The following CSMD1 variants were observed in gnomAD, a reference collection of about 807,000 sequenced individuals.
CSMD1 encodes CUB and Sushi multiple domains 1, also known as CUB and sushi domain-containing protein 1.
CSMD1 carries 213 observed loss-of-function variants against 417.5 expected under a neutral mutation model. The ratio of observed to expected loss-of-function variants is 0.51; its 90% CI spans 0.46 to 0.57. The LOEUF is 0.57. Ranked by LOEUF, CSMD1 falls within the 20% of genes least tolerant of loss-of-function variation. CSMD1 has a pLI of 0.00. For synonymous variants in CSMD1, 2,862 were observed against 1,736.8 expected (o/e 1.65, Z -16.11); for missense variants, 6,923 against 4,529.7 (o/e 1.53, Z -15.17).
chr8:4,072,488 G>T (rs147415629), intron 3 of CSMD1, among the ~76,000 whole-genome samples: 334 of 152,252 alleles, frequency 2.2e-3, no homozygotes, highest in African/African-American at 7.5e-3. Context: ...GAAGGGAATT[G>T]TGACTATAAT....
At chr8:4,883,919 A>G (rs1293138696) in intron 1 of CSMD1, among the ~76,000 whole-genome samples, 1 of 152,052 alleles carries the variant, frequency 6.6e-6, no homozygotes, top group East Asian at 1.9e-4. Flanking sequence ...ACTGTTTTCC[A>G]AAGAGATTGC....
At chr8:4,173,707 T>A (rs931056253) in intron 3 of CSMD1, among the ~76,000 whole-genome samples, 1 of 152,022 alleles carries the variant, frequency 6.6e-6, no homozygotes, top group African/African-American at 2.4e-5. Flanking sequence ...CTCAAATAAT[T>A]CAGCAATCAA....
At chr8:3,019,308 G>A (rs956576393) in intron 51 of CSMD1, among the ~76,000 whole-genome samples, 3 of 152,064 alleles carry the variant, frequency 2.0e-5, no homozygotes, top group Non-Finnish European at 2.9e-5. Context: ...ATGCAGAAGC[G>A]TGTCAATCAA....
At chr8:3,819,771 T>C (rs377680184) in intron 5 of CSMD1, among the ~76,000 whole-genome samples, 3 of 152,204 alleles carry the variant, frequency 2.0e-5, no homozygotes, top group South Asian at 2.1e-4. Context: ...AAAAATTATA[T>C]AGAGATGTAA....
rs73660805 is a variant in CSMD1, at chr8:4,439,415, A to C, written c.303-19350T>G. On this transcript the variant is annotated intron_variant, in intron 2 of 69. Coordinates refer to ENST00000635120, the MANE Select transcript of CSMD1 (RefSeq NM_033225.6). ...TTATTTCACGTACGTTTATTACTTA[A>C]TATTTAATAATGTAATGATTTTCAT... Among the ~76,000 whole-genome samples the C allele has an allele frequency of 3.3e-3, 499 of 152,256 alleles. 3 individuals are homozygous for C. Among genetic ancestry groups the C allele is most frequent in the African/African-American group, 0.011 (477 of 41,540 alleles).
At chr8:3,277,611 A>G (rs1446777897) in intron 26 of CSMD1, among the ~76,000 whole-genome samples, 2 of 152,182 alleles carry the variant, frequency 1.3e-5, no homozygotes, top group East Asian at 3.9e-4. Flanking sequence ...CTTTACCAAA[A>G]CCGGGAAGAT....
chr8:3,390,705 G>A (rs1319915201), intron 17 of CSMD1, among the ~76,000 whole-genome samples: 1 of 150,510 alleles, frequency 6.6e-6, no homozygotes, highest in East Asian at 2.0e-4. Flanking sequence ...GAATACATTT[G>A]CTACTTAATG....
chr8:3,950,199 A>G (rs1024762335), intron 5 of CSMD1, among the ~76,000 whole-genome samples: 4 of 152,234 alleles, frequency 2.6e-5, no homozygotes, highest in African/African-American at 9.6e-5. Context: ...CCACGATCCA[A>G]TACTGACTGT....
At chr8:4,565,581 A>C (rs1798556758) in intron 2 of CSMD1, among the ~76,000 whole-genome samples, 1 of 151,802 alleles carries the variant, frequency 6.6e-6, no homozygotes, top group African/African-American at 2.4e-5. Context: ...CAAAAAATAC[A>C]AAAATTAGCT....
intron 1 of CSMD1, among the ~76,000 whole-genome samples, chr8:4,878,288 A>G (rs1803175379): frequency 6.6e-6 from 1 of 152,078 alleles, no homozygotes. Context: ...TGACCAACTT[A>G]ACACAACGCG....
chr8:3,974,341 A>G (rs1321641598), intron 5 of CSMD1, among the ~76,000 whole-genome samples: 1 of 151,920 alleles, frequency 6.6e-6, no homozygotes, highest in Non-Finnish European at 1.5e-5. Context: ...CTGTTTGAGT[A>G]GTTGAAAGAA....
chr8:4,946,433 G>C (rs200937924), intron 1 of CSMD1, among the ~76,000 whole-genome samples: 2 of 152,210 alleles, frequency 1.3e-5, no homozygotes, highest in South Asian at 2.1e-4. Flanking sequence ...GCTTTGGACC[G>C]TGTGTTGAGT....
At chr8:3,155,812 T>C (rs1261337264) in intron 39 of CSMD1, among the ~76,000 whole-genome samples, 1 of 152,224 alleles carries the variant, frequency 6.6e-6, no homozygotes, top group Non-Finnish European at 1.5e-5. Flanking sequence ...GCAACTATGA[T>C]GTAGTGAACA....
At chr8:3,987,768 C>G (rs923780454) in intron 5 of CSMD1, among the ~76,000 whole-genome samples, 1 of 152,146 alleles carries the variant, frequency 6.6e-6, no homozygotes, top group African/African-American at 2.4e-5. Context: ...AGGACTCAGG[C>G]CAAAGCAGGC....
At chr8:3,586,070 T>C (rs1800585560) in intron 9 of CSMD1, 66 bp downstream of exon 9, 3 of 1,529,042 alleles carry the variant, frequency 2.0e-6, no homozygotes, top group African/African-American at 1.4e-5. Flanking sequence ...TTAAATTGTA[T>C]ATTCATAAAA....
intron 5 of CSMD1, among the ~76,000 whole-genome samples, chr8:3,991,967 G>A (rs779214956): frequency 6.6e-6 from 1 of 150,460 alleles, no homozygotes; most frequent in South Asian, 2.1e-4. Flanking sequence ...ATTATTAAAT[G>A]TTTTTTTACA....
intron 2 of CSMD1, among the ~76,000 whole-genome samples, chr8:4,574,086 G>C (rs1489532727): frequency 1.3e-5 from 2 of 152,114 alleles, no homozygotes; most frequent in Non-Finnish European, 2.9e-5. Context: ...CACTGAGCAA[G>C]ACCACTTGGC....
chr8:3,306,902 C>CAGAACTCACTATTGGAAT (rs1170419878), intron 25 of CSMD1, among the ~76,000 whole-genome samples: 1 of 152,048 alleles, frequency 6.6e-6, no homozygotes, highest in Non-Finnish European at 1.5e-5. Flanking sequence ...CATCATAACT[C>CAGAACTCACTATTGGAAT]AGAACTCACT....
intron 2 of CSMD1, among the ~76,000 whole-genome samples, chr8:4,433,425 GAATAGGGCACATT>G (rs1412802977): frequency 1.3e-5 from 2 of 152,054 alleles, no homozygotes; most frequent in Non-Finnish European, 2.9e-5. Context: ...TTTGAACCAG[GAATAGGGCACATT>G]AAAGGCAATT....
Sources: allele counts gnomAD v4.1 joint callset (sites outside exome capture counted in the v4.1 genomes callset), GRCh38; gene constraint gnomAD v4.1.1; transcripts MANE v1.5; gene names NCBI Gene and HGNC (gene_info 2026-07-23, HGNC 2026-07-21).